Variants in ZBBX observed in about 807,000 individuals in gnomAD.
ZBBX encodes the protein zinc finger B-box domain-containing protein 1.
In ZBBX, 101 loss-of-function variants were observed where a neutral mutation model predicts 108.5. The ratio of observed to expected loss-of-function variants is 0.93; its 90% CI spans 0.79 to 1.10. The LOEUF is 1.10. ZBBX is among the 50% of genes least tolerant of loss of function. ZBBX has a pLI of 0.00. For missense variants in ZBBX, 1,009 were observed against 941.4 expected, an observed-to-expected ratio of 1.07 and a Z score of -0.94; for synonymous variants, 356 against 323.4, an observed-to-expected ratio of 1.10 and a Z score of -1.08.
At chr3:167,349,182 T>G (rs1037292856) in intron 9 of ZBBX, among the ~76,000 whole-genome samples, 1 of 152,130 alleles carries the variant, frequency 6.6e-6, no homozygotes, top group Non-Finnish European at 1.5e-5. Context: ...CACTGAGTGA[T>G]AACTCAGAAA....
At chr3:167,178,553 G>A in the ZBBX span, among the ~76,000 whole-genome samples, 1 of 152,108 alleles carries the variant, frequency 6.6e-6, no homozygotes, top group Non-Finnish European at 1.5e-5. Flanking sequence ...GCTGCAACTG[G>A]GGGATCCTCA....
chr3:167,373,352 T>G (rs764530968), intron 3 of ZBBX, among the ~76,000 whole-genome samples: 4 of 152,212 alleles, frequency 2.6e-5, no homozygotes, highest in Non-Finnish European at 5.9e-5. Flanking sequence ...GGAACCAGTC[T>G]CCTGTGGAAA....
At chr3:167,226,312 C>A in the ZBBX span, among the ~76,000 whole-genome samples, 1 of 151,614 alleles carries the variant, frequency 6.6e-6, no homozygotes, top group East Asian at 1.9e-4. Context: ...ACATAAATAC[C>A]ATTTTATTAT....
intron 8 of ZBBX, among the ~76,000 whole-genome samples, chr3:167,353,443 G>A (rs1477766200): frequency 6.6e-6 from 1 of 151,912 alleles, no homozygotes; most frequent in East Asian, 1.9e-4. Flanking sequence ...CTAAACAATG[G>A]GTGTTAACTA....
chr3:167,374,419 A>G (rs1746630653), intron 2 of ZBBX, among the ~76,000 whole-genome samples: 1 of 152,210 alleles, frequency 6.6e-6, no homozygotes. Flanking sequence ...CTGAATTACT[A>G]AATCACATGA....
At chr3:167,252,280 A>G in intron 20 of ZBBX, 1 of 967,492 alleles carries the variant, frequency 1.0e-6, no homozygotes, top group Non-Finnish European at 1.4e-6. Context: ...AGAGATTTGA[A>G]CATATTTACA....
At chr3:167,309,886 T>C (rs1048741315) in intron 16 of ZBBX, among the ~76,000 whole-genome samples, 2 of 152,238 alleles carry the variant, frequency 1.3e-5, no homozygotes, top group Non-Finnish European at 1.5e-5. Context: ...GTTTCTTTTC[T>C]ACCACATGGT....
Position 167,298,334 on chromosome 3 carries a change from T to A in ZBBX, c.1850A>T (p.Asn617Ile). The A allele has an allele frequency of 6.3e-7, 1 of 1,598,310 alleles. No individual in the cohort carries two copies. The highest frequency in any genetic ancestry group is 8.5e-7 in the Non-Finnish European group (1 of 1,173,612). Reference protein sequence around the residue: ...NLLPSHRLECNNSSTRITLAE... With the variant: ...NLLPSHRLECINSSTRITLAE... ...AAGTGTAATCCTAGTACTGGAATTGTTGCATTCTAAACGATGAGAAGGAAG... is the reference window on the plus strand; with the variant it reads ...AAGTGTAATCCTAGTACTGGAATTGATGCATTCTAAACGATGAGAAGGAAG... Residue 617 changes from asparagine (N) to isoleucine (I), a missense_variant, in exon 18 of 22, where the codon AAC (asparagine) becomes ATC (isoleucine). Physicochemically the swap from Asn to Ile is moderately radical, Grantham distance 149. Coordinates refer to ENST00000675490, the MANE Select transcript of ZBBX (RefSeq NM_001199201.2).
At chr3:167,328,523 C>T (rs1371416746) in intron 10 of ZBBX, among the ~76,000 whole-genome samples, 1 of 151,962 alleles carries the variant, frequency 6.6e-6, no homozygotes, top group Non-Finnish European at 1.5e-5. Flanking sequence ...CAGACATTCC[C>T]CTGCTCAAAA....
chr3:167,331,551 T>C (rs977349301), intron 10 of ZBBX: 3 of 985,216 alleles, frequency 3.0e-6, no homozygotes, highest in Non-Finnish European at 3.6e-6. Context: ...ATTGGAGTTA[T>C]GCCATTGGAA....
chr3:167,301,295 G>C (rs982080924), intron 17 of ZBBX, among the ~76,000 whole-genome samples: 1 of 152,190 alleles, frequency 6.6e-6, no homozygotes, highest in African/African-American at 2.4e-5. Context: ...GATCAGTTGA[G>C]AGTAGACCAG....
At position 167,240,804 on chromosome 3, in the gene ZBBX, T is replaced by C. The variant is rs746111428; in HGVS notation, c.2509A>G (p.Lys837Glu). Residue 837 changes from lysine to glutamate, a missense_variant, in exon 22 of 22, where the codon AAG becomes GAG. Lys to Glu is a moderately conservative substitution (Grantham distance 56). Coordinates refer to ENST00000675490, the MANE Select transcript of ZBBX (RefSeq NM_001199201.2). ...TGAACAAATAATCTTTAAGTACTCT[T>C]TGACCACGGTAGTGTGATGACATGT... is the stretch of plus-strand genomic sequence containing the variant. ...KQHVITLPWS[K>E]ST 3.1e-6 allele frequency: 5 copies of C among 1,613,172 alleles called. No homozygotes were observed. The South Asian group carries it at 5.5e-5, about 18-fold the overall frequency.
At chr3:167,289,633 A>T (rs1730308682) in intron 18 of ZBBX, among the ~76,000 whole-genome samples, 1 of 152,112 alleles carries the variant, frequency 6.6e-6, no homozygotes, top group Non-Finnish European at 1.5e-5. Flanking sequence ...CGGTGCCTAC[A>T]CCACCAGGGA....
At chr3:167,321,626 T>C (rs1019409325) in intron 12 of ZBBX, among the ~76,000 whole-genome samples, 19 of 152,130 alleles carry the variant, frequency 1.2e-4, no homozygotes, top group African/African-American at 4.6e-4. Flanking sequence ...ACTTCAGATC[T>C]ACGAAAAAAT....
rs984860346 is a variant in ZBBX, at chr3:167,298,207, G to T, written c.1879+98C>A. The T allele has an allele frequency of 2.0e-5, 19 of 970,684 alleles. No individual in the cohort carries two copies. In the Admixed American group the frequency reaches 5.8e-4, roughly 30 times the overall value. 60.1% of individuals were successfully genotyped at this position (970,684 alleles called of 1,614,324 possible). A position where few individuals can be genotyped will look rare whatever the true frequency, so the allele number is the denominator to read the frequency against. On this transcript the variant is annotated intron_variant, in intron 18 of 21. Transcript: ENST00000675490. ...ACTAATACAAGGTTAATAATTTTAGGCTGGCAAGAAGAAAATGATTTTATC... is the reference window on the plus strand; with the variant it reads ...ACTAATACAAGGTTAATAATTTTAGTCTGGCAAGAAGAAAATGATTTTATC...
At chr3:167,221,859 A>G in the ZBBX span, among the ~76,000 whole-genome samples, 1 of 152,042 alleles carries the variant, frequency 6.6e-6, no homozygotes, top group Non-Finnish European at 1.5e-5. Flanking sequence ...CAAAACTACA[A>G]TGAAATACCA....
the ZBBX span, among the ~76,000 whole-genome samples, chr3:167,225,515 T>C: frequency 6.6e-6 from 1 of 151,792 alleles, no homozygotes; most frequent in Non-Finnish European, 1.5e-5. Flanking sequence ...TTTGCAATCA[T>C]TGAAAACACA....
At chr3:167,200,734 A>G in the ZBBX span, among the ~76,000 whole-genome samples, 1 of 152,156 alleles carries the variant, frequency 6.6e-6, no homozygotes, top group Non-Finnish European at 1.5e-5. Flanking sequence ...TGTTTCCTCA[A>G]AGAGTCTACA....
intron 9 of ZBBX, among the ~76,000 whole-genome samples, chr3:167,334,685 T>C (rs2108408512): frequency 6.6e-6 from 1 of 152,222 alleles, no homozygotes; most frequent in Non-Finnish European, 1.5e-5. Context: ...CAGGTGTGTA[T>C]AAGTCTAATG....
Sources: allele counts gnomAD v4.1 joint callset (sites outside exome capture counted in the v4.1 genomes callset), GRCh38; gene constraint gnomAD v4.1.1; transcripts MANE v1.5; gene names NCBI Gene and HGNC (gene_info 2026-07-23, HGNC 2026-07-21).